Variants in ZFHX2 observed in about 807,000 individuals in gnomAD.
ZFHX2 encodes zinc finger homeobox protein 2.
ZFHX2 carries 75 observed loss-of-function variants against 164.8 expected under a neutral mutation model. The ratio of observed to expected loss-of-function variants is 0.46; its 90% confidence interval spans 0.38 to 0.55. ZFHX2 has a LOEUF of 0.55. Among genes scored for constraint, ZFHX2 ranks in the 20% least tolerant of loss-of-function variants. The pLI is 0.00. For missense variants in ZFHX2, 2,933 were observed against 3,308.0 expected (o/e 0.89, Z 2.78); for synonymous variants, 1,217 against 1,351.4 (o/e 0.90, Z 2.18).
chr14:23,530,578 C>A, intron 4 of ZFHX2: 1 of 417,376 alleles, frequency 2.4e-6, no homozygotes, highest in Non-Finnish European at 4.6e-6. Flanking sequence ...ATGGAAGCAG[C>A]TGCTGCAGTG....
chr14:23,523,794 T>G lies in ZFHX2; in HGVS notation c.6148A>C (p.Ser2050Arg). Residue 2050 changes from serine (S) to arginine (R), a missense_variant, in exon 9 of 10, where the codon AGT becomes CGT. By Grantham distance (110) the Ser-to-Arg change is moderately radical. Coordinates refer to ENST00000419474, the MANE Select transcript of ZFHX2 (RefSeq NM_033400.3). This position sits in a 1 kb window ranked among gnomAD's most constrained non-coding sequence, Gnocchi z 4.1. ...EPESPGAGGT[S>R]GGPGGGTGVP... ...CCAGTCCCACCTCCAGGTCCCCCACTGGTCCCTCCAGCCCCAGGGGATTCT... is the reference window on the plus strand; with the variant it reads ...CCAGTCCCACCTCCAGGTCCCCCACGGGTCCCTCCAGCCCCAGGGGATTCT... 1 of 1,536,210 alleles carries G rather than the reference T, an allele frequency of 6.5e-7. No homozygotes were observed. Among genetic ancestry groups the G allele is most frequent in the South Asian group, 1.2e-5 (1 of 84,060 alleles).
intron 4 of ZFHX2, 152 bp downstream of exon 4, chr14:23,531,329 G>T: frequency 8.4e-7 from 1 of 1,184,144 alleles, no homozygotes; most frequent in Non-Finnish European, 1.1e-6. Flanking sequence ...CGCTCATTCT[G>T]TCTTATCCCT....
At chr14:23,549,607 A>T (rs1168370447) in intron 1 of ZFHX2, among the ~76,000 whole-genome samples, 1 of 152,204 alleles carries the variant, frequency 6.6e-6, no homozygotes, top group East Asian at 1.9e-4. Context: ...GATGAACTAA[A>T]AAGTGAAGAA....
In ZFHX2 at chr14:23,522,919, G is replaced by A; in HGVS notation, c.6762C>T (p.Leu2254=). The A allele has an allele frequency of 2.1e-6, 3 of 1,448,632 alleles. No homozygotes were observed. Among genetic ancestry groups the A allele is most frequent in the Non-Finnish European group, 2.7e-6 (3 of 1,105,836 alleles). The allele number at this position is 1,448,632 out of a possible 1,614,324, so 89.7% of individuals were successfully genotyped here. Residue 2254 remains leucine (L), a synonymous_variant, in exon 10 of 10, where the codon CTC becomes CTT. Transcript: ENST00000419474. The part of the protein sequence containing the change: ...FNSGPAASSG[L]LGLATSVLPT... ...GCAGGACCGAAGTGGCGAGGCCGAG[G>A]AGGCCTGAGGAGGCTGCCGGGCCTA...
At chr14:23,542,745 CT>C (rs879315318) in intron 1 of ZFHX2, among the ~76,000 whole-genome samples, 117 of 145,408 alleles carry the variant, frequency 8.0e-4, no homozygotes, top group Admixed American at 8.2e-4. Context: ...GGAAAACATT[CT>C]TTTTTTTTTT....
At position 23,525,815 on chromosome 14, in the gene ZFHX2, G is replaced by T; in HGVS notation, c.4127C>A (p.Pro1376His). The T allele has an allele frequency of 2.7e-6, 4 of 1,463,592 alleles. No individual in the cohort carries two copies. Among genetic ancestry groups the T allele is most frequent in the Non-Finnish European group, 3.6e-6 (4 of 1,113,340 alleles). 90.7% of individuals were successfully genotyped at this position (1,463,592 alleles called of 1,614,324 possible). The change falls in exon 9 of 10, where the codon CCC (proline) becomes CAC (histidine). Residue 1376 changes from proline to histidine, a missense_variant. Pro to His is a moderately conservative substitution (Grantham distance 77). Transcript: ENST00000419474. This position sits in a 1 kb window ranked among gnomAD's most constrained non-coding sequence, Gnocchi z 5.9. ...TGCAGGCCCAGCTAGTGTCAGCTTG[G>T]GCCCCACCTTGAGATCGTGGAGGTA... Reference protein sequence around the residue: ...PFYLHDLKVGPKLTLAGPAPV... With the variant: ...PFYLHDLKVGHKLTLAGPAPV...
chr14:23,552,442 A>G (rs537996497), upstream of ZFHX2, among the ~76,000 whole-genome samples: 18 of 151,804 alleles, frequency 1.2e-4, no homozygotes, highest in South Asian at 3.8e-3. Flanking sequence ...ACAGGCATGC[A>G]TCAACACACC....
Position 23,534,487 on chromosome 14 carries a change from T to A in ZFHX2, c.839A>T (p.Glu280Val). The A allele has an allele frequency of 6.5e-7, 1 of 1,536,232 alleles. No homozygotes were observed. The change falls in exon 2 of 10, where the codon GAG becomes GTG. Residue 280 changes from glutamate (E) to valine (V), a missense_variant. Glu to Val is a moderately radical substitution (Grantham distance 121). Coordinates refer to ENST00000419474, the MANE Select transcript of ZFHX2 (RefSeq NM_033400.3). The surrounding 1 kb of genome is among the most constrained non-coding windows in gnomAD (Gnocchi z 4.5). ...GLSGSPAVLQ[E>V]GDEGCKALIS... is the part of the protein sequence containing the mutation. ...GAGGGCCTTGCAGCCTTCATCTCCC[T>A]CCTGGAGTACAGCTGGGCTACCTGA...
rs958409092 is a variant in ZFHX2 at position 23,535,136 on chromosome 14, C to T, written c.190G>A (p.Gly64Ser). The T allele has an allele frequency of 5.2e-6, 8 of 1,536,160 alleles. No individual in the cohort carries two copies. The highest frequency in any genetic ancestry group is 1.7e-4 in the Middle Eastern group (1 of 5,990). Reference protein sequence around the residue: ...SEPGGQLLESGCGLVPPKEIG... With the variant: ...SEPGGQLLESSCGLVPPKEIG... The stretch of plus-strand genomic sequence containing the variant: ...TCCTTTGGTGGGACGAGGCCACAGC[C>T]CGACTCCAGGAGCTGTCCCCCTGGC... The change falls in exon 2 of 10, where the codon GGC (glycine) becomes AGC (serine). Residue 64 changes from glycine (G) to serine (S), a missense_variant. Transcript: ENST00000419474. This position sits in a 1 kb window ranked among gnomAD's most constrained non-coding sequence, Gnocchi z 4.5.
chr14:23,554,708 C>G (rs1882215258), upstream of ZFHX2, among the ~76,000 whole-genome samples: 1 of 151,962 alleles, frequency 6.6e-6, no homozygotes, highest in Non-Finnish European at 1.5e-5. Flanking sequence ...GTCTTTAAAC[C>G]AGTGTCCTTC....
At position 23,522,665 on chromosome 14, in the gene ZFHX2, G is replaced by A; in HGVS notation, c.7016C>T (p.Ala2339Val). The change falls in exon 10 of 10, where the codon GCC becomes GTC. Residue 2339 changes from alanine to valine, a missense_variant. Ala to Val is a moderately conservative substitution (Grantham distance 64). Coordinates refer to ENST00000419474, the MANE Select transcript of ZFHX2 (RefSeq NM_033400.3). ...NLKALKTTVP[A>V]LLGGQFLPFP... ...GGGCAGGAACTGGCCCCCCAACAGG[G>A]CTGGGACAGTGGTCTTCAATGCTTT... 6.5e-7 allele frequency: 1 copy of A among 1,536,534 alleles called. No homozygotes were observed. Among genetic ancestry groups the A allele is most frequent in the Non-Finnish European group, 8.7e-7 (1 of 1,146,964 alleles).
Position 23,522,869 on chromosome 14 carries a change from G to A in ZFHX2, c.6812C>T (p.Ala2271Val). Residue 2271 changes from alanine (A) to valine (V), a missense_variant, in exon 10 of 10, where the codon GCT becomes GTT. Physicochemically the swap from Ala to Val is moderately conservative, Grantham distance 64. Coordinates refer to ENST00000419474, the MANE Select transcript of ZFHX2 (RefSeq NM_033400.3). ...CTGAGGTAAGGGGCGGCCTGGGCCA[G>A]CAGTCTGGACCACTGTGGTGGTAGG... ...VLPTTTVVQT[A>V]GPGRPLPQRP... 6.6e-7 allele frequency: 1 copy of A among 1,518,388 alleles called. No homozygotes were observed. Among genetic ancestry groups the A allele is most frequent in the South Asian group, 1.2e-5 (1 of 80,624 alleles). 94.1% of individuals were successfully genotyped at this position (1,518,388 alleles called of 1,614,324 possible). A position where few individuals can be genotyped will look rare whatever the true frequency, so the allele number is the denominator to read the frequency against.
At chr14:23,550,819 T>C (rs951943163) in intron 1 of ZFHX2, among the ~76,000 whole-genome samples, 1 of 151,608 alleles carries the variant, frequency 6.6e-6, no homozygotes, top group Non-Finnish European at 1.5e-5. Context: ...AGTATCCACG[T>C]CCCCTCCCAC....
chr14:23,540,134 G>C (rs540580577), intron 1 of ZFHX2, among the ~76,000 whole-genome samples: 1 of 152,258 alleles, frequency 6.6e-6, no homozygotes, highest in African/African-American at 2.4e-5. Context: ...GGGACTACAG[G>C]CATGTGCCAC....
rs772781610 is a variant in ZFHX2, at chr14:23,533,084, G to C, written c.2042C>G (p.Ala681Gly). 9 of 1,521,860 alleles carry C rather than the reference G, an allele frequency of 5.9e-6. No individual in the cohort carries two copies. The highest frequency in any genetic ancestry group is 1.4e-5 in the African/African-American group (1 of 72,780). 94.3% of individuals were successfully genotyped at this position (1,521,860 alleles called of 1,614,324 possible). A position where few individuals can be genotyped will look rare whatever the true frequency, so the allele number is the denominator to read the frequency against. Residue 681 changes from alanine (A) to glycine (G), a missense_variant and splice_region_variant, in exon 3 of 10, where the codon GCC becomes GGC. By Grantham distance (60) the Ala-to-Gly change is moderately conservative. Transcript: ENST00000419474. This position sits in a 1 kb window ranked among gnomAD's most constrained non-coding sequence, Gnocchi z 4.8. Reference sequence around the variant, plus strand: ...GGCATCAGGGGATAGGCTTCCAGGGGCTAGAGGACAGAGACAGATTAGTGG... The same window carrying C: ...GGCATCAGGGGATAGGCTTCCAGGGCCTAGAGGACAGAGACAGATTAGTGG... ...GAPARKFPTS[A>G]PGSLSPDAHL...
Position 23,538,274 on chromosome 14 carries a change from G to A in ZFHX2, c.-49-2900C>T, listed in dbSNP as rs1004874743. On this transcript the variant is annotated intron_variant, in intron 1 of 9. Transcript: ENST00000419474. Reference sequence around the variant, plus strand: ...CCTAACCCTCCTCCTCTTTAGGAAAGAATTTCAATTGCAAATATATCTCTG... The same window carrying A: ...CCTAACCCTCCTCCTCTTTAGGAAAAAATTTCAATTGCAAATATATCTCTG... 7.2e-5 allele frequency among the ~76,000 whole-genome samples: 11 copies of A among 152,174 alleles called. No homozygotes were observed. In the East Asian group the frequency reaches 2.1e-3, roughly 29 times the overall value.
chr14:23,527,737 G>C lies in ZFHX2; in HGVS notation c.3002C>G (p.Ser1001Cys), dbSNP rs1250955173. 1 of 1,536,136 alleles carries C rather than the reference G, an allele frequency of 6.5e-7. No homozygotes were observed. Among genetic ancestry groups the C allele is most frequent in the South Asian group, 1.2e-5 (1 of 84,062 alleles). ...ESSQVRAHTL[S>C]QHAVQPKYRC... ...GTACTTGGGCTGCACTGCATGCTGG[G>C]AGAGTGTATGAGCCCTCACCTGGCT... Residue 1001 changes from serine (S) to cysteine (C), a missense_variant, in exon 7 of 10, where the codon TCC becomes TGC. Physicochemically the swap from Ser to Cys is moderately radical, Grantham distance 112. Transcript: ENST00000419474.
At position 23,524,909 on chromosome 14, in the gene ZFHX2, G is replaced by A; in HGVS notation, c.5033C>T (p.Thr1678Ile). Residue 1678 changes from threonine (T) to isoleucine (I), a missense_variant, in exon 9 of 10, where the codon ACT becomes ATT. Transcript: ENST00000419474. This position sits in a 1 kb window ranked among gnomAD's most constrained non-coding sequence, Gnocchi z 5.6. ...GASGCRRCHA[T>I]FSCVFELVRH... is the part of the protein sequence containing the mutation. ...CACCAACTCAAAAACACAGGAGAAA[G>A]TGGCGTGGCAACGCCTGCAGCCGGA... 6.5e-7 allele frequency: 1 copy of A among 1,536,348 alleles called. No individual in the cohort carries two copies. Among genetic ancestry groups the A allele is most frequent in the Non-Finnish European group, 8.7e-7 (1 of 1,146,952 alleles).
In ZFHX2 at chr14:23,521,312, A is replaced by G. The variant is rs1877953300; in HGVS notation, c.*650T>C. On this transcript the variant is annotated 3_prime_UTR_variant, in exon 10 of 10. Coordinates refer to ENST00000419474, the MANE Select transcript of ZFHX2 (RefSeq NM_033400.3). ...AAGCACTTCTCCCATGCCAGCCTCCAGTTTGGTTAGAGTTTTGTGGGCTCC... is the reference window on the plus strand; with the variant it reads ...AAGCACTTCTCCCATGCCAGCCTCCGGTTTGGTTAGAGTTTTGTGGGCTCC... The G allele has an allele frequency of 6.6e-6, 1 of 152,448 alleles. No homozygotes were observed. The highest frequency in any genetic ancestry group is 1.5e-5 in the Non-Finnish European group (1 of 68,284). The allele number at this position is 152,448 out of a possible 1,614,324, so 9.4% of individuals were successfully genotyped here.
Sources: allele counts gnomAD v4.1 joint callset (sites outside exome capture counted in the v4.1 genomes callset), GRCh38; gene constraint gnomAD v4.1.1; non-coding constraint Gnocchi (gnomAD v3.1); transcripts MANE v1.5; gene names NCBI Gene and HGNC (gene_info 2026-07-23, HGNC 2026-07-21).